PRKG1: variants seen among roughly 807,000 people sequenced by gnomAD.
PRKG1 encodes the protein protein kinase cGMP-dependent 1.
PRKG1 carries 35 observed loss-of-function variants against 88.1 expected under a neutral mutation model. The ratio of observed to expected loss-of-function variants is 0.40; its 90% CI spans 0.30 to 0.53. The LOEUF is 0.53. Ranked by LOEUF, PRKG1 falls within the 20% of genes least tolerant of loss-of-function variation. The pLI, the probability that PRKG1 is intolerant of heterozygous loss-of-function variation, is 0.59. For synonymous variants in PRKG1, 303 were observed against 292.5 expected (o/e 1.04, Z -0.37); for missense variants, 540 against 839.8 (o/e 0.64, Z 4.41).
intron 3 of PRKG1, among the ~76,000 whole-genome samples, chr10:51,783,568 C>T (rs925161161): frequency 6.6e-6 from 1 of 152,102 alleles, no homozygotes; most frequent in Non-Finnish European, 1.5e-5. Flanking sequence ...AAGTGTGAGC[C>T]ACTGCACGCA....
At chr10:52,005,863 GAA>G (rs1844721124) in intron 5 of PRKG1, among the ~76,000 whole-genome samples, 1 of 151,800 alleles carries the variant, frequency 6.6e-6, no homozygotes, top group African/African-American at 2.4e-5. Flanking sequence ...GTTTTCACAG[GAA>G]GCACACAGAT....
intron 8 of PRKG1, among the ~76,000 whole-genome samples, chr10:52,152,001 G>T (rs535172828): frequency 3.3e-5 from 5 of 151,952 alleles, no homozygotes; most frequent in Admixed American, 2.0e-4. Flanking sequence ...CACTTTACCC[G>T]TATTTATACC....
chr10:51,980,917 G>A (rs1304887811), intron 5 of PRKG1, among the ~76,000 whole-genome samples: 1 of 152,038 alleles, frequency 6.6e-6, no homozygotes, highest in Non-Finnish European at 1.5e-5. Flanking sequence ...CATACCAATG[G>A]GTCTTGCTTC....
At chr10:51,979,215 C>T (rs1292797444) in intron 5 of PRKG1, among the ~76,000 whole-genome samples, 2 of 151,498 alleles carry the variant, frequency 1.3e-5, no homozygotes, top group African/African-American at 4.8e-5. Context: ...CTATTGAGAT[C>T]ATGTAGTTTT....
At chr10:51,948,524 CTGTG>C (rs376853403) in intron 5 of PRKG1, among the ~76,000 whole-genome samples, 54,662 of 149,462 alleles carry the variant, frequency 0.37, 10,150 homozygotes, top group African/African-American at 0.43. Context: ...GTGTGTGTCT[CTGTG>C]TGTGTGTGTG....
At chr10:51,631,638 T>A (rs191294065) in intron 3 of PRKG1, among the ~76,000 whole-genome samples, 1 of 152,344 alleles carries the variant, frequency 6.6e-6, no homozygotes, top group East Asian at 1.9e-4. Flanking sequence ...GCATCACTGC[T>A]GCAGTTCCAC....
intron 5 of PRKG1, 95 bp from the exon 6 acceptor site, chr10:52,054,389 T>A (rs1846058858): frequency 1.2e-6 from 1 of 842,100 alleles, no homozygotes; most frequent in Admixed American, 2.1e-5. Context: ...TCCATTAGGA[T>A]GAATATATCC....
chr10:51,330,704 C>T (rs1015533451), intron 2 of PRKG1, among the ~76,000 whole-genome samples: 2 of 102,492 alleles, frequency 2.0e-5, no homozygotes, highest in East Asian at 2.8e-4. Context: ...TTAAATTTAT[C>T]ATTCTGGTCA....
intron 5 of PRKG1, among the ~76,000 whole-genome samples, chr10:51,979,792 A>G (rs570305878): frequency 6.6e-6 from 1 of 152,058 alleles, no homozygotes; most frequent in South Asian, 2.1e-4. Flanking sequence ...AAAAGTGTTC[A>G]TAATATTCTT....
chr10:52,161,917 G>C lies in PRKG1; in HGVS notation c.1030G>C (p.Asp344His). 1 of 1,612,670 alleles carries C rather than the reference G, an allele frequency of 6.2e-7. No individual in the cohort carries two copies. The highest frequency in any genetic ancestry group is 8.5e-7 in the Non-Finnish European group (1 of 1,179,348). Residue 344 changes from aspartate to histidine, a missense_variant, in exon 9 of 18, where the codon GAT (aspartate) becomes CAT (histidine). By Grantham distance (81) the Asp-to-His change is moderately conservative (BLOSUM62 -1). Around this residue, in one of 5 missense-constraint regions of PRKG1, gnomAD observed 400 missense variants for 562.7 expected, o/e 0.71. Transcript: ENST00000373980. ...DSFKHLIGGL[D>H]DVSNKAYEDA... ...TTTTAAACATTTGATTGGAGGGCTG[G>C]ATGATGTTTCTAATAAAGCATATGA...
chr10:52,074,211 T>G (rs1316285940), intron 7 of PRKG1, among the ~76,000 whole-genome samples: 1 of 152,192 alleles, frequency 6.6e-6, no homozygotes, highest in Non-Finnish European at 1.5e-5. Flanking sequence ...GAAATTGGTT[T>G]TTTAGAAAGC....
At chr10:51,640,246 C>CATGT (rs1839764691) in intron 3 of PRKG1, among the ~76,000 whole-genome samples, 1 of 152,132 alleles carries the variant, frequency 6.6e-6, no homozygotes, top group Non-Finnish European at 1.5e-5. Context: ...CATAGCATTA[C>CATGT]ATGTATTCAG....
At chr10:51,552,696 A>G (rs966039467) in intron 3 of PRKG1, among the ~76,000 whole-genome samples, 2 of 151,680 alleles carry the variant, frequency 1.3e-5, no homozygotes, top group Non-Finnish European at 3.0e-5. Flanking sequence ...GCAGTCATCA[A>G]TTAGAAGCTG....
At chr10:51,913,954 T>C (rs1327205136) in intron 5 of PRKG1, among the ~76,000 whole-genome samples, 1 of 152,162 alleles carries the variant, frequency 6.6e-6, no homozygotes, top group East Asian at 1.9e-4. Context: ...ATTAATTGAA[T>C]GTATTTGAGT....
chr10:51,578,183 T>C (rs937149672), intron 3 of PRKG1, among the ~76,000 whole-genome samples: 1 of 152,100 alleles, frequency 6.6e-6, no homozygotes, highest in Non-Finnish European at 1.5e-5. Flanking sequence ...AATAGATAAA[T>C]CTAAGCACAC....
intron 5 of PRKG1, among the ~76,000 whole-genome samples, chr10:51,984,966 G>T (rs1214822213): frequency 6.6e-6 from 1 of 152,088 alleles, no homozygotes; most frequent in Non-Finnish European, 1.5e-5. Context: ...AGAGTTAAGT[G>T]TCTGAAAAGA....
intron 9 of PRKG1, among the ~76,000 whole-genome samples, chr10:52,179,390 C>T (rs1838951027): frequency 6.6e-6 from 1 of 152,086 alleles, no homozygotes; most frequent in African/African-American, 2.4e-5. Context: ...CCCTCTTCTA[C>T]TTTTGGTACT....
At chr10:51,191,274 T>C (rs1006681652) in intron 2 of PRKG1, among the ~76,000 whole-genome samples, 1 of 151,850 alleles carries the variant, frequency 6.6e-6, no homozygotes, top group Non-Finnish European at 1.5e-5. Context: ...TAGTTTACCA[T>C]AGTGGAGCTA....
intron 17 of PRKG1, among the ~76,000 whole-genome samples, chr10:52,292,383 T>C (rs1842270267): frequency 1.3e-5 from 2 of 152,086 alleles, no homozygotes; most frequent in Non-Finnish European, 2.9e-5. Context: ...TTCTAGGGTT[T>C]TTATGGTTTT....
Sources: allele counts gnomAD v4.1 joint callset (sites outside exome capture counted in the v4.1 genomes callset), GRCh38; gene constraint gnomAD v4.1.1; regional missense constraint gnomAD v4.1.1; transcripts MANE v1.5; gene names NCBI Gene and HGNC (gene_info 2026-07-23, HGNC 2026-07-21).